Variants in GPLD1 observed in about 807,000 individuals in gnomAD.
GPLD1 encodes phosphatidylinositol-glycan-specific phospholipase D.
A neutral mutation model predicts 112.6 loss-of-function variants in GPLD1; 84 were observed. The observed-to-expected ratio is 0.75, with a 90% CI of 0.63 to 0.89. The LOEUF (loss-of-function observed/expected upper bound fraction) is 0.89, where lower values mean the gene tolerates loss of function less well. Among genes scored for constraint, GPLD1 ranks in the 40% least tolerant of loss-of-function variants. GPLD1 has a pLI of 0.00. For synonymous variants in GPLD1, 386 were observed against 403.8 expected (o/e 0.96, Z 0.53); for missense variants, 1,044 against 1,051.5 (o/e 0.99, Z 0.10).
At chr6:24,476,115 G>T in intron 4 of GPLD1, 66 bp downstream of exon 4, 1 of 831,790 alleles carries the variant, frequency 1.2e-6, no homozygotes, top group Non-Finnish European at 2.0e-6. Context: ...GGGTCAATGC[G>T]GGTGCAAACA....
intron 14 of GPLD1, among the ~76,000 whole-genome samples, chr6:24,453,698 TCGTGTGTG>T (rs751086527): frequency 8.3e-5 from 3 of 35,974 alleles, no homozygotes; most frequent in Admixed American, 3.4e-4. Context: ...TACATACATT[TCGTGTGTG>T]TGTGTGTGTG....
upstream of GPLD1, among the ~76,000 whole-genome samples, chr6:24,490,179 C>G (rs112476675): frequency 6.6e-6 from 1 of 152,136 alleles, no homozygotes; most frequent in South Asian, 2.1e-4. Context: ...CAGATTCCTG[C>G]AGCTGAAGCA....
At chr6:24,441,956 AATAT>A (rs1283125442) in intron 20 of GPLD1, among the ~76,000 whole-genome samples, 6 of 148,846 alleles carry the variant, frequency 4.0e-5, no homozygotes, top group African/African-American at 7.3e-5. Flanking sequence ...ATTTATATAT[AATAT>A]ATAGTTATAT....
At chr6:24,459,252 T>C (rs1433664416) in intron 12 of GPLD1, among the ~76,000 whole-genome samples, 4 of 151,692 alleles carry the variant, frequency 2.6e-5, no homozygotes, top group African/African-American at 4.9e-5. Context: ...CCCTGCTATT[T>C]TTTTTTTGTT....
At chr6:24,457,565 C>T (rs964212148) in intron 12 of GPLD1, among the ~76,000 whole-genome samples, 1 of 151,972 alleles carries the variant, frequency 6.6e-6, no homozygotes, top group Non-Finnish European at 1.5e-5. Context: ...AACAAATAAA[C>T]TGGAACAACA....
intron 1 of GPLD1, 33 bp from the exon 2 acceptor site, chr6:24,486,163 T>C: frequency 1.6e-6 from 2 of 1,253,254 alleles, no homozygotes; most frequent in Non-Finnish European, 2.3e-6. Context: ...TCAATTAAGT[T>C]CAACTATTAC....
Position 24,473,669 on chromosome 6 carries a change from TAAGA to T in GPLD1, c.442-6_442-3del, listed in dbSNP as rs753897284. Reference sequence around the variant, plus strand: ...TGAATAGGAGCCGTGAAAATCAATCTAAGAAAGAAAGAGAACCATCTGGTGTGTA... The same window carrying T: ...TGAATAGGAGCCGTGAAAATCAATCTAAGAAAGAGAACCATCTGGTGTGTA... On this transcript the variant is annotated splice_polypyrimidine_tract_variant and splice_region_variant and intron_variant, in intron 5 of 24. Coordinates refer to ENST00000230036, the MANE Select transcript of GPLD1 (RefSeq NM_001503.4). 6.2e-6 allele frequency: 10 copies of T among 1,602,646 alleles called. No individual in the cohort carries two copies. Among genetic ancestry groups the T allele is most frequent in the African/African-American group, 4.0e-5 (3 of 74,758 alleles).
chr6:24,431,958 C>T (rs74207041), intron 24 of GPLD1, among the ~76,000 whole-genome samples: 3 of 151,906 alleles, frequency 2.0e-5, no homozygotes, highest in Non-Finnish European at 2.9e-5. Context: ...GCTACACATA[C>T]GTACAAGAAT....
intron 2 of GPLD1, among the ~76,000 whole-genome samples, chr6:24,484,164 C>T (rs569350418): frequency 6.6e-5 from 10 of 152,260 alleles, no homozygotes; most frequent in African/African-American, 2.4e-4. Context: ...ATCTGCCCGC[C>T]TTGGCCTCCC....
At chr6:24,493,128 G>C (rs555848366), upstream of GPLD1, among the ~76,000 whole-genome samples, 1 of 152,152 alleles carries the variant, frequency 6.6e-6, no homozygotes, top group Non-Finnish European at 1.5e-5. Context: ...TTGAACAAGA[G>C]AGGCAGCCAC....
intron 10 of GPLD1, among the ~76,000 whole-genome samples, chr6:24,464,973 A>C (rs374620731): frequency 1.3e-5 from 2 of 151,968 alleles, no homozygotes; most frequent in Non-Finnish European, 2.9e-5. Flanking sequence ...TGGGTGGATC[A>C]CTTGAGGTCA....
upstream of GPLD1, among the ~76,000 whole-genome samples, chr6:24,492,542 AG>A (rs143119160): frequency 6.6e-3 from 1,005 of 151,462 alleles, 11 homozygotes; most frequent in African/African-American, 0.023. Context: ...AAGAAAAAAA[AG>A]AAAAAGAAAA....
At chr6:24,487,401 G>A (rs1764414286) in intron 1 of GPLD1, among the ~76,000 whole-genome samples, 1 of 152,168 alleles carries the variant, frequency 6.6e-6, no homozygotes, top group Non-Finnish European at 1.5e-5. Flanking sequence ...TTCAGGAGAT[G>A]CCTTCAATTA....
Position 24,473,628 on chromosome 6 carries a change from C to G in GPLD1, c.481G>C (p.Gly161Arg), listed in dbSNP as rs1163826932. The G allele has an allele frequency of 6.2e-7, 1 of 1,605,450 alleles. No individual in the cohort carries two copies. Residue 161 changes from glycine (G) to arginine (R), a missense_variant, in exon 6 of 25, where the codon GGT becomes CGT. Transcript: ENST00000230036. ...HGSYSEAHSA[G>R]DFGGDVLSQF... Reference sequence around the variant, plus strand: ...TGTAAATAAACAGTACCAAAATCACCAGCCGAATGAGCCTCTGAATAGGAG... The same window carrying G: ...TGTAAATAAACAGTACCAAAATCACGAGCCGAATGAGCCTCTGAATAGGAG...
At position 24,486,112 on chromosome 6, in the gene GPLD1, A is replaced by C. The variant is rs755135295; in HGVS notation, c.116T>G (p.Phe39Cys). 3.8e-6 allele frequency: 6 copies of C among 1,590,380 alleles called. No individual in the cohort carries two copies. Among genetic ancestry groups the C allele is most frequent in the Non-Finnish European group, 5.2e-6 (6 of 1,159,916 alleles). The change falls in exon 2 of 25, where the codon TTT becomes TGT. Residue 39 changes from phenylalanine to cysteine, a missense_variant. Coordinates refer to ENST00000230036, the MANE Select transcript of GPLD1 (RefSeq NM_001503.4). ...HVEIGHRALE[F>C]LQLHNGRVNY... is the part of the protein sequence containing the mutation. ...AACACGCCCATTGTGAAGCTGAAGAAACTCCAGAGCTCTGTGTCCTGAGAG... is the reference window on the plus strand; with the variant it reads ...AACACGCCCATTGTGAAGCTGAAGACACTCCAGAGCTCTGTGTCCTGAGAG...
intron 22 of GPLD1, among the ~76,000 whole-genome samples, chr6:24,435,123 T>C (rs1479209620): frequency 6.6e-6 from 1 of 151,328 alleles, no homozygotes; most frequent in Non-Finnish European, 1.5e-5. Flanking sequence ...GCCATTCTCC[T>C]GCCTCAGCCT....
chr6:24,439,317 G>A (rs959285798), intron 20 of GPLD1, among the ~76,000 whole-genome samples: 2 of 92,714 alleles, frequency 2.2e-5, no homozygotes, highest in African/African-American at 7.7e-5. Flanking sequence ...GCAAGAATTA[G>A]AAAGCCTGAA....
intron 13 of GPLD1, among the ~76,000 whole-genome samples, chr6:24,454,517 TAG>T (rs1763203719): frequency 6.6e-6 from 1 of 151,904 alleles, no homozygotes; most frequent in African/African-American, 2.4e-5. Flanking sequence ...TGCCTGAGAG[TAG>T]AGAGGAAATT....
chr6:24,446,078 G>C (rs949875865), intron 18 of GPLD1, among the ~76,000 whole-genome samples: 2 of 152,026 alleles, frequency 1.3e-5, no homozygotes, highest in Non-Finnish European at 2.9e-5. Flanking sequence ...CTGGGATAGA[G>C]ATATAGGGGT....
Sources: gnomAD v4.1 joint callset for allele counts (sites outside exome capture counted in the v4.1 genomes callset) on GRCh38, gnomAD v4.1.1 for gene constraint, MANE v1.5 for transcripts, NCBI Gene and HGNC (gene_info 2026-07-23, HGNC 2026-07-21) for gene names.